The following CREBRF variants were observed in gnomAD, a reference collection of about 807,000 sequenced individuals.
The protein encoded by CREBRF is UPF0474 protein C5orf41.
CREBRF carries 5 observed loss-of-function variants against 66.1 expected under a neutral mutation model. That is an observed-to-expected ratio of 0.08 (90% CI 0.04 to 0.16). The LOEUF is 0.16. CREBRF is among the 10% of genes least tolerant of loss of function. CREBRF has a pLI of 1.00. For synonymous variants in CREBRF, 229 were observed against 264.4 expected (o/e 0.87, Z 1.30); for missense variants, 531 against 744.9 (o/e 0.71, Z 3.34).
chr5:173,097,355 CT>C (rs1355080914), intron 4 of CREBRF, among the ~76,000 whole-genome samples: 1 of 152,182 alleles, frequency 6.6e-6, no homozygotes, highest in East Asian at 1.9e-4. Flanking sequence ...AGTGATTCTC[CT>C]GCCTCAGCCT....
At chr5:173,120,712 T>TTTTTTTG in intron 7 of CREBRF, among the ~76,000 whole-genome samples, 1 of 85,352 alleles carries the variant, frequency 1.2e-5, no homozygotes, top group South Asian at 3.7e-4. Context: ...TTTTTTTTTT[T>TTTTTTTG]GAGATGGAGT....
chr5:173,133,493 A>G, intron 8 of CREBRF, 137 bp from the exon 9 acceptor site: 1 of 502,836 alleles, frequency 2.0e-6, no homozygotes, highest in Non-Finnish European at 3.6e-6. Flanking sequence ...AGCTGCAATA[A>G]CAAGTGCCAG....
chr5:173,108,440 T>C (rs1758797695), intron 4 of CREBRF, among the ~76,000 whole-genome samples, 184 bp from the exon 5 acceptor site: 1 of 152,192 alleles, frequency 6.6e-6, no homozygotes, highest in African/African-American at 2.4e-5. Context: ...CGGAATGTTT[T>C]ATGAGTTAGA....
intron 1 of CREBRF, among the ~76,000 whole-genome samples, chr5:173,068,806 C>T (rs549584060): frequency 2.5e-4 from 38 of 151,996 alleles, no homozygotes; most frequent in African/African-American, 8.4e-4. Context: ...CGGTGGCTCA[C>T]GCCTGTAATC....
At chr5:173,073,770 A>G (rs1011636648) in intron 1 of CREBRF, among the ~76,000 whole-genome samples, 4 of 151,818 alleles carry the variant, frequency 2.6e-5, no homozygotes, top group Non-Finnish European at 5.9e-5. Context: ...GATCGAGACC[A>G]TCCTGGCTAA....
At chr5:173,085,450 C>A in intron 2 of CREBRF, 1 of 700,784 alleles carries the variant, frequency 1.4e-6, no homozygotes, top group South Asian at 1.7e-5. Flanking sequence ...GAGTTTCGCT[C>A]TTGTTGCCCA....
intron 1 of CREBRF, among the ~76,000 whole-genome samples, chr5:173,065,118 C>T (rs1421866364): frequency 6.6e-6 from 1 of 152,096 alleles, no homozygotes; most frequent in African/African-American, 2.4e-5. Flanking sequence ...CCCAATGTTA[C>T]GATGGTTTTT....
Position 173,088,669 on chromosome 5 carries a change from A to C in CREBRF, c.136-1646A>C, listed in dbSNP as rs553412478. ...TTCCAAACAGGATCTGCATATACTT[A>C]ATCATTTATTCTTGAGGTAAATAGA... On this transcript the variant is annotated intron_variant, in intron 3 of 8. Transcript: ENST00000296953. Among the ~76,000 whole-genome samples, 3 of 152,154 alleles carry C rather than the reference A, an allele frequency of 2.0e-5. No individual in the cohort carries two copies. In the East Asian group the frequency reaches 5.8e-4, roughly 29 times the overall value.
At position 173,132,745 on chromosome 5, in the gene CREBRF, A is replaced by G. The variant is rs1759503160; in HGVS notation, c.1805-885A>G. On this transcript the variant is annotated intron_variant, in intron 8 of 8. Transcript: ENST00000296953. ...CTCCCGAGTAGCTGGGATTATAGAC[A>G]TGTGCCACCACACCTGGGTAATTTT... is the stretch of plus-strand genomic sequence containing the variant. Among the ~76,000 whole-genome samples the G allele has an allele frequency of 2.0e-5, 3 of 148,322 alleles. No homozygotes were observed. The South Asian group carries it at 6.6e-4, about 32-fold the overall frequency.
In CREBRF at chr5:173,091,170, A is replaced by G; in HGVS notation, c.991A>G (p.Lys331Glu). 3.1e-6 allele frequency: 5 copies of G among 1,613,564 alleles called. No individual in the cohort carries two copies. The highest frequency in any genetic ancestry group is 4.2e-6 in the Non-Finnish European group (5 of 1,179,458). ...ASTSVSDSSQKKEEHNYSLFV... is the reference protein window; with the variant it reads ...ASTSVSDSSQEKEEHNYSLFV... ...TACATCAGTCTCAGATTCATCCCAG[A>G]AAAAAGAAGAGCACAATTATTCTCT... Residue 331 changes from lysine (K) to glutamate (E), a missense_variant, in exon 4 of 9, where the codon AAA becomes GAA. This residue lies in a region of CREBRF where 309 missense variants were observed against 341.4 expected (regional missense o/e 0.90). Transcript: ENST00000296953.
intron 5 of CREBRF, 72 bp downstream of exon 5, chr5:173,108,890 T>G: frequency 7.2e-7 from 1 of 1,391,912 alleles, no homozygotes; most frequent in Non-Finnish European, 9.9e-7. Flanking sequence ...TAATGTTTAC[T>G]CCGTGTACCT....
At chr5:173,119,486 A>G (rs1045077964) in intron 7 of CREBRF, among the ~76,000 whole-genome samples, 2 of 152,132 alleles carry the variant, frequency 1.3e-5, no homozygotes, top group Non-Finnish European at 2.9e-5. Context: ...TTTGGTATTA[A>G]TATATAAAAC....
chr5:173,071,889 A>T (rs1268243782), intron 1 of CREBRF, among the ~76,000 whole-genome samples: 1 of 149,326 alleles, frequency 6.7e-6, no homozygotes, highest in African/African-American at 2.5e-5. Flanking sequence ...ACCCTCTCTA[A>T]AAAAAAAATG....
rs550105616 is a variant in CREBRF, at chr5:173,117,666, T to C, written c.1681+5287T>C. On this transcript the variant is annotated intron_variant, in intron 7 of 8. Transcript: ENST00000296953. Reference sequence around the variant, plus strand: ...CTCTCCTCTCTCTCTCTCTCTCTCTTTCTTTTTCTCTCTCTCTCTCTCTCC... The same window carrying C: ...CTCTCCTCTCTCTCTCTCTCTCTCTCTCTTTTTCTCTCTCTCTCTCTCTCC... Among the ~76,000 whole-genome samples, 125 of 117,050 alleles carry C rather than the reference T, an allele frequency of 1.1e-3. 1 individual carries two copies. The highest frequency in any genetic ancestry group is 3.8e-3 in the African/African-American group (124 of 32,608). The allele number at this position is 117,050 out of a possible 152,430, so 76.8% of individuals were successfully genotyped here. A position where few individuals can be genotyped will look rare whatever the true frequency, so the allele number is the denominator to read the frequency against.
intron 1 of CREBRF, among the ~76,000 whole-genome samples, chr5:173,074,337 C>T (rs1283629346): frequency 2.0e-5 from 3 of 150,416 alleles, no homozygotes; most frequent in African/African-American, 7.3e-5. Context: ...CTTATTGGTT[C>T]CCAAAGAGCT....
chr5:173,105,907 C>G (rs896975722), intron 4 of CREBRF, among the ~76,000 whole-genome samples: 3 of 151,922 alleles, frequency 2.0e-5, no homozygotes, highest in Non-Finnish European at 4.4e-5. Context: ...CATGAGCCAC[C>G]GTGCCTGGCC....
intron 1 of CREBRF, among the ~76,000 whole-genome samples, chr5:173,065,692 G>A (rs1488524537): frequency 7.0e-6 from 1 of 142,100 alleles, no homozygotes; most frequent in Non-Finnish European, 1.5e-5. Context: ...TTAAAGACAG[G>A]ATGGTGCAGT....
chr5:173,084,741 A>T (rs558937475), intron 2 of CREBRF, among the ~76,000 whole-genome samples: 2 of 152,082 alleles, frequency 1.3e-5, no homozygotes, highest in Non-Finnish European at 2.9e-5. Context: ...TCCCGGGTTC[A>T]TGCCGTTCTC....
chr5:173,117,532 CT>C (rs1759021214), intron 7 of CREBRF, among the ~76,000 whole-genome samples: 1 of 68,990 alleles, frequency 1.4e-5, no homozygotes, highest in Non-Finnish European at 3.0e-5. Flanking sequence ...CCCCTCCCCT[CT>C]CCTCTTCCCT....
Sources: gnomAD v4.1 joint callset for allele counts (sites outside exome capture counted in the v4.1 genomes callset) on GRCh38, gnomAD v4.1.1 for gene constraint, gnomAD v4.1.1 regional missense constraint, MANE v1.5 for transcripts, NCBI Gene and HGNC (gene_info 2026-07-23, HGNC 2026-07-21) for gene names.